Variants in GPR158 observed in about 807,000 individuals in gnomAD.
GPR158 encodes G protein-coupled receptor 158.
A neutral mutation model predicts 78.2 loss-of-function variants in GPR158; 30 were observed. That is an observed-to-expected ratio of 0.38 (90% CI 0.29 to 0.52). The LOEUF is 0.52. Among genes scored for constraint, GPR158 ranks in the 20% least tolerant of loss-of-function variants. The probability of loss-of-function intolerance (pLI) is 0.83; values close to 1 mark genes in which losing one functional copy is unlikely to be tolerated. For synonymous variants in GPR158, 581 were observed against 591.1 expected, an observed-to-expected ratio of 0.98 and a Z score of 0.25; for missense variants, 1,463 against 1,523.5, an observed-to-expected ratio of 0.96 and a Z score of 0.66.
chr10:25,507,579 T>G (rs1836029886), intron 5 of GPR158, among the ~76,000 whole-genome samples: 1 of 152,226 alleles, frequency 6.6e-6, no homozygotes, highest in Non-Finnish European at 1.5e-5. Flanking sequence ...AGAAATATGT[T>G]TATAGCATTC....
rs542706033 is a variant in GPR158, at chr10:25,300,004, C to G, written c.1008+78847C>G. Among the ~76,000 whole-genome samples the G allele has an allele frequency of 8.5e-5, 13 of 152,062 alleles. No homozygotes were observed. In the South Asian group the frequency reaches 2.7e-3, roughly 32 times the overall value. On this transcript the variant is annotated intron_variant, in intron 2 of 10. Coordinates refer to ENST00000376351, the MANE Select transcript of GPR158 (RefSeq NM_020752.3). Reference sequence around the variant, plus strand: ...GCCACGCCCAGCTAGGTGATCCACCCACCTCGGTCTACCAAAGTGCTGGGA... The same window carrying G: ...GCCACGCCCAGCTAGGTGATCCACCGACCTCGGTCTACCAAAGTGCTGGGA...
At chr10:25,552,380 A>G (rs1836737660) in intron 6 of GPR158, among the ~76,000 whole-genome samples, 1 of 152,182 alleles carries the variant, frequency 6.6e-6, no homozygotes, top group Non-Finnish European at 1.5e-5. Context: ...TGCTCACCAA[A>G]GAAAAGGAGA....
At chr10:25,324,478 T>C (rs1308288622) in intron 2 of GPR158, among the ~76,000 whole-genome samples, 1 of 152,248 alleles carries the variant, frequency 6.6e-6, no homozygotes, top group African/African-American at 2.4e-5. Flanking sequence ...TGCTGTATTA[T>C]ATGGGCATGG....
intron 3 of GPR158, among the ~76,000 whole-genome samples, chr10:25,402,024 G>A (rs906557914): frequency 1.3e-5 from 2 of 152,080 alleles, no homozygotes; most frequent in African/African-American, 4.8e-5. Flanking sequence ...AAAGAAAAAA[G>A]TAACCTGCAG....
At chr10:25,248,929 G>C (rs1853745806) in intron 2 of GPR158, among the ~76,000 whole-genome samples, 1 of 151,112 alleles carries the variant, frequency 6.6e-6, no homozygotes, top group African/African-American at 2.5e-5. Context: ...TCATGATATT[G>C]ATTCTTCCTA....
chr10:25,452,653 G>A (rs58697395), intron 4 of GPR158, among the ~76,000 whole-genome samples: 16,955 of 152,158 alleles, frequency 0.11, 1,559 homozygotes, highest in African/African-American at 0.26. Context: ...AGGCACAGAC[G>A]TGTGGTAATT....
chr10:25,410,350 G>T (rs1834567016), intron 3 of GPR158, among the ~76,000 whole-genome samples: 1 of 152,120 alleles, frequency 6.6e-6, no homozygotes, highest in Admixed American at 6.5e-5. Flanking sequence ...AGGTGCGGTG[G>T]CTCACACCTG....
At chr10:25,249,675 G>T (rs1005704634) in intron 2 of GPR158, among the ~76,000 whole-genome samples, 1 of 151,500 alleles carries the variant, frequency 6.6e-6, no homozygotes, top group Non-Finnish European at 1.5e-5. Flanking sequence ...CTTGATCATG[G>T]TGGATAAGCT....
chr10:25,261,987 A>G (rs1166079065), intron 2 of GPR158, among the ~76,000 whole-genome samples: 1 of 152,158 alleles, frequency 6.6e-6, no homozygotes, highest in Non-Finnish European at 1.5e-5. Context: ...TTATAAATTT[A>G]TAATTATTTA....
At chr10:25,230,830 A>T (rs1208824040) in intron 2 of GPR158, among the ~76,000 whole-genome samples, 1 of 152,200 alleles carries the variant, frequency 6.6e-6, no homozygotes, top group Non-Finnish European at 1.5e-5. Flanking sequence ...CCTTGCAGGG[A>T]TGACCACCTG....
chr10:25,452,835 A>G (rs1564459589), intron 4 of GPR158, among the ~76,000 whole-genome samples: 3 of 152,198 alleles, frequency 2.0e-5, no homozygotes, highest in African/African-American at 4.8e-5. Context: ...CTCAGAACTT[A>G]TTCATCTTAT....
intron 2 of GPR158, among the ~76,000 whole-genome samples, chr10:25,348,394 A>AAC (rs1428933193): frequency 9.9e-6 from 1 of 101,372 alleles, no homozygotes; most frequent in African/African-American, 5.2e-5. Flanking sequence ...TTTAGGAAGA[A>AAC]AGACACACAC....
At chr10:25,399,559 C>T (rs192165443) in intron 3 of GPR158, among the ~76,000 whole-genome samples, 4 of 152,224 alleles carry the variant, frequency 2.6e-5, no homozygotes, top group Admixed American at 1.3e-4. Context: ...AATTGTCTTC[C>T]GTGAAACCAG....
intron 2 of GPR158, among the ~76,000 whole-genome samples, chr10:25,289,475 C>T (rs1854402592): frequency 1.3e-5 from 2 of 152,054 alleles, no homozygotes; most frequent in Admixed American, 1.3e-4. Context: ...CTCTGTCACC[C>T]AGGCTGGAGT....
intron 6 of GPR158, among the ~76,000 whole-genome samples, chr10:25,564,046 T>G (rs1254607425): frequency 6.6e-6 from 1 of 152,220 alleles, no homozygotes; most frequent in African/African-American, 2.4e-5. Context: ...GTTTGTTAAG[T>G]GACTTTTATA....
At chr10:25,590,771 T>C (rs1837331440) in intron 8 of GPR158, among the ~76,000 whole-genome samples, 1 of 152,220 alleles carries the variant, frequency 6.6e-6, no homozygotes, top group African/African-American at 2.4e-5. Context: ...GCTTATGTAG[T>C]GCAGAAGGTT....
intron 2 of GPR158, among the ~76,000 whole-genome samples, chr10:25,351,353 G>A (rs1192301544): frequency 6.6e-6 from 1 of 151,832 alleles, no homozygotes; most frequent in African/African-American, 2.4e-5. Flanking sequence ...TCAGCAGAAG[G>A]CAGTGGGTGG....
chr10:25,455,369 T>TA (rs1348852043), intron 4 of GPR158, among the ~76,000 whole-genome samples: 5 of 152,282 alleles, frequency 3.3e-5, no homozygotes, highest in African/African-American at 4.8e-5. Flanking sequence ...GAATTGCTTT[T>TA]AAAAAAATCT....
chr10:25,328,948 AG>A (rs1160970469), intron 2 of GPR158, among the ~76,000 whole-genome samples: 33 of 142,286 alleles, frequency 2.3e-4, no homozygotes, highest in Admixed American at 6.3e-4. Flanking sequence ...AAAAAAAAAA[AG>A]AATTACTAAA....
Sources: allele counts gnomAD v4.1 joint callset (sites outside exome capture counted in the v4.1 genomes callset), GRCh38; gene constraint gnomAD v4.1.1; transcripts MANE v1.5; gene names NCBI Gene and HGNC (gene_info 2026-07-23, HGNC 2026-07-21).